Variants in ADAP1 observed in about 807,000 individuals in gnomAD.
ADAP1 encodes ArfGAP with dual PH domains 1.
Under a neutral mutation model 54.9 loss-of-function variants are expected in ADAP1, and 31 were observed. The ratio of observed to expected loss-of-function variants is 0.56; its 90% CI spans 0.42 to 0.76. The LOEUF is 0.76. ADAP1 is among the 30% of genes least tolerant of loss of function. The probability of loss-of-function intolerance (pLI) is 0.00; values close to 1 mark genes in which losing one functional copy is unlikely to be tolerated. For missense variants in ADAP1, 535 were observed against 512.4 expected (o/e 1.04, Z -0.42); for synonymous variants, 313 against 202.6 (o/e 1.55, Z -4.63).
chr7:910,058 C>G (rs1224072050), intron 4 of ADAP1, among the ~76,000 whole-genome samples: 2 of 140,022 alleles, frequency 1.4e-5, no homozygotes, highest in Non-Finnish European at 3.3e-5. Flanking sequence ...ACGGCAAAAC[C>G]AAACCAGTGT....
rs3808347 is a variant in ADAP1 at position 900,339 on chromosome 7, G to A, written c.733-175C>T. The stretch of plus-strand genomic sequence containing the variant: ...TCTGCTTGCCACCCCTTCCCTCCCC[G>A]CTTTCCCCTTTGGCTGAGCTGAAGT... On this transcript the variant is annotated intron_variant, in intron 7 of 10. Coordinates refer to ENST00000265846, the MANE Select transcript of ADAP1 (RefSeq NM_006869.4). Among the ~76,000 whole-genome samples, 264 of 152,022 alleles carry A rather than the reference G, an allele frequency of 1.7e-3. 2 individuals are homozygous for A. The highest frequency in any genetic ancestry group is 6.0e-3 in the African/African-American group (248 of 41,438).
At chr7:930,448 C>T (rs1403117438) in intron 2 of ADAP1, among the ~76,000 whole-genome samples, 7 of 8,860 alleles carry the variant, frequency 7.9e-4, no homozygotes, top group African/African-American at 4.9e-3. Flanking sequence ...GAGGCCAAGG[C>T]GGGCGGATCA....
At chr7:905,583 A>AAAGGAG (rs1845176053) in intron 4 of ADAP1, 2 of 92,236 alleles carry the variant, frequency 2.2e-5, no homozygotes, top group Non-Finnish European at 5.2e-5. Flanking sequence ...GAGAAAGGAG[A>AAAGGAG]AAGGAGAAAG....
intron 2 of ADAP1, among the ~76,000 whole-genome samples, chr7:928,110 C>T (rs997637223): frequency 7.3e-5 from 11 of 150,618 alleles, no homozygotes; most frequent in Non-Finnish European, 1.5e-4. Context: ...GTCCCAGCTA[C>T]TAGGGAGGCC....
rs1846384179 is a variant in ADAP1 at position 926,281 on chromosome 7, C to T, written c.305+272G>A. On this transcript the variant is annotated intron_variant, in intron 3 of 10. Transcript: ENST00000265846. The surrounding 1 kb of genome is among the most constrained non-coding windows in gnomAD (Gnocchi z 4.6). ...AGGGCCCCTCAGATCCACCCGAGAC[C>T]CCCAAGGCCTCAGCGAACCTGGGTG... Among the ~76,000 whole-genome samples the T allele has an allele frequency of 6.6e-6, 1 of 151,676 alleles. No homozygotes were observed.
chr7:905,463 AGAAAGGAGAAAGG>A (rs1562911962), intron 4 of ADAP1: 14 of 90,308 alleles, frequency 1.6e-4, no homozygotes, highest in Admixed American at 5.7e-4. Context: ...AAGGGAAAGG[AGAAAGGAGAAAGG>A]GAAAGGAGAA....
At chr7:919,435 G>C (rs375787654) in intron 4 of ADAP1, among the ~76,000 whole-genome samples, 5 of 151,990 alleles carry the variant, frequency 3.3e-5, no homozygotes, top group African/African-American at 1.2e-4. Flanking sequence ...CCTCAGTCAC[G>C]TCACTCAGAG....
chr7:913,501 C>T (rs1845809373), intron 4 of ADAP1, among the ~76,000 whole-genome samples: 1 of 152,100 alleles, frequency 6.6e-6, no homozygotes, highest in African/African-American at 2.4e-5. Context: ...GCGCCCGGTC[C>T]TCCCCTTTCT....
chr7:935,197 C>T, intron 2 of ADAP1, 178 bp downstream of exon 2: 1 of 881,050 alleles, frequency 1.1e-6, no homozygotes, highest in Non-Finnish European at 1.8e-6. Context: ...GGTGGAGCAG[C>T]CACACAGGCG....
chr7:898,669 G>T lies in ADAP1; in HGVS notation c.*252C>A. 1 of 566,150 alleles carries T rather than the reference G, an allele frequency of 1.8e-6. No individual in the cohort carries two copies. Among genetic ancestry groups the T allele is most frequent in the Non-Finnish European group, 3.2e-6 (1 of 316,272 alleles). The allele number at this position is 566,150 out of a possible 1,614,324, so 35.1% of individuals were successfully genotyped here. On this transcript the variant is annotated 3_prime_UTR_variant, in exon 11 of 11. Transcript: ENST00000265846. ...GGAAAGGGGGCCCCGGGTCAGGGAGGGGCAGGTTGGCTGGGTGTGGTCAGC... is the reference window on the plus strand; with the variant it reads ...GGAAAGGGGGCCCCGGGTCAGGGAGTGGCAGGTTGGCTGGGTGTGGTCAGC...
At chr7:905,820 AGAAGGGAGAAGGGAGAAG>A in intron 4 of ADAP1, among the ~76,000 whole-genome samples, 1 of 34,454 alleles carries the variant, frequency 2.9e-5, no homozygotes, top group Non-Finnish European at 7.6e-5. Context: ...AGGAGAAGGG[AGAAGGGAGAAGGGAGAAG>A]GGAGAAGGGA....
At chr7:906,585 AGGAGAAAGGAGAAGGGAGAAAG>A (rs1845376638) in intron 4 of ADAP1, among the ~76,000 whole-genome samples, 5 of 36,760 alleles carry the variant, frequency 1.4e-4, no homozygotes, top group African/African-American at 4.2e-4. Context: ...GAAAGGAGAA[AGGAGAAAGGAGAAGGGAGAAAG>A]GGAGAAAGGG....
At chr7:905,602 A>AGAAGGGAGAAAGG (rs1845180104) in intron 4 of ADAP1, 1 of 20,030 alleles carries the variant, frequency 5.0e-5, no homozygotes, top group Non-Finnish European at 7.4e-5. Flanking sequence ...AGGAGAAAGG[A>AGAAGGGAGAAAGG]GAAAGGAGAA....
chr7:922,709 C>T (rs962737359), intron 3 of ADAP1, among the ~76,000 whole-genome samples: 3 of 152,142 alleles, frequency 2.0e-5, no homozygotes, highest in African/African-American at 7.2e-5. Context: ...CCCCCCAGGG[C>T]CCCCGGCTTT....
chr7:900,883 A>AGGGCCGAAGGGCCGGGCC (rs1554270394), intron 6 of ADAP1: 22 of 393,466 alleles, frequency 5.6e-5, no homozygotes, highest in Non-Finnish European at 8.9e-5. Flanking sequence ...GAAGGGCCGA[A>AGGGCCGAAGGGCCGGGCC]GGGCCGGGCC....
chr7:920,166 C>T lies in ADAP1; in HGVS notation c.306-116G>A. On this transcript the variant is annotated intron_variant, in intron 3 of 10. Transcript: ENST00000265846. This position sits in a 1 kb window ranked among gnomAD's most constrained non-coding sequence, Gnocchi z 4.5. ...GAGGCTCATAGGGACCCCCGGCAGA[C>T]TCGAGCCGCCCCTCTGGGCACAAGA... 1.2e-6 allele frequency: 1 copy of T among 824,296 alleles called. No individual in the cohort carries two copies. Among genetic ancestry groups the T allele is most frequent in the East Asian group, 2.8e-5 (1 of 36,062 alleles). 51.1% of individuals were successfully genotyped at this position (824,296 alleles called of 1,614,324 possible). A position where few individuals can be genotyped will look rare whatever the true frequency, so the allele number is the denominator to read the frequency against.
chr7:948,012 C>T (rs1484866786), intron 1 of ADAP1, among the ~76,000 whole-genome samples: 5 of 151,870 alleles, frequency 3.3e-5, no homozygotes, highest in South Asian at 2.1e-4. Context: ...CTCCCTCTTC[C>T]GGAGGGGCCG....
chr7:935,541 C>A (rs1332975799), intron 1 of ADAP1, 36 bp from the exon 2 acceptor site: 2 of 1,551,840 alleles, frequency 1.3e-6, no homozygotes, highest in Non-Finnish European at 1.7e-6. Flanking sequence ...GGAGGCTCAG[C>A]CCAGGGACCC....
At position 940,330 on chromosome 7, in the gene ADAP1, TCACACACACACA is replaced by T. The variant is rs56715852; in HGVS notation, c.83-4837_83-4826del. Among the ~76,000 whole-genome samples, 482 of 140,696 alleles carry T rather than the reference TCACACACACACA, an allele frequency of 3.4e-3. 1 individual carries two copies. Among genetic ancestry groups the T allele is most frequent in the Middle Eastern group, 0.018 (5 of 282 alleles). The allele number at this position is 140,696 out of a possible 152,430, so 92.3% of individuals were successfully genotyped here. The stretch of plus-strand genomic sequence containing the variant: ...TCCAGCCTGGGTGTCACAGACCCTG[TCACACACACACA>T]CACACACACACACACACACACACAC... On this transcript the variant is annotated intron_variant, in intron 1 of 10. Transcript: ENST00000265846.
Sources: gnomAD v4.1 joint callset for allele counts (sites outside exome capture counted in the v4.1 genomes callset) on GRCh38, gnomAD v4.1.1 for gene constraint, Gnocchi (gnomAD v3.1) non-coding constraint, MANE v1.5 for transcripts, NCBI Gene and HGNC (gene_info 2026-07-23, HGNC 2026-07-21) for gene names.